RASAL2: variants seen among roughly 807,000 people sequenced by gnomAD.
RASAL2 encodes the protein RAS protein activator like 2, also known as ras GTPase-activating protein nGAP.
In RASAL2, 58 loss-of-function variants were observed where a neutral mutation model predicts 128.9. That is an observed-to-expected ratio of 0.45 (90% CI 0.36 to 0.56). RASAL2 has a LOEUF of 0.56. RASAL2 is among the 20% of genes least tolerant of loss of function. RASAL2 has a pLI of 0.00. For missense variants in RASAL2, 1,360 were observed against 1,601.6 expected, an observed-to-expected ratio of 0.85 and a Z score of 2.57; for synonymous variants, 561 against 580.8, an observed-to-expected ratio of 0.97 and a Z score of 0.49.
chr1:178,169,803 G>T lies in RASAL2; in HGVS notation c.202+75109G>T, dbSNP rs561140720. 4.6e-5 allele frequency among the ~76,000 whole-genome samples: 7 copies of T among 152,090 alleles called. No homozygotes were observed. In the South Asian group the frequency reaches 1.5e-3, roughly 32 times the overall value. The stretch of plus-strand genomic sequence containing the variant: ...GTGACAGTACAGTTTTAAAATGAGG[G>T]TGGAGTTAGGTGTATGGGCCTTACC... On this transcript the variant is annotated intron_variant, in intron 1 of 17. Transcript: ENST00000367649.
intron 1 of RASAL2, among the ~76,000 whole-genome samples, chr1:178,115,873 A>G (rs1659505217): frequency 6.6e-6 from 1 of 151,770 alleles, no homozygotes; most frequent in African/African-American, 2.4e-5. Flanking sequence ...AATATTAATA[A>G]GACTTGGTGA....
intron 1 of RASAL2, among the ~76,000 whole-genome samples, chr1:178,170,029 C>A (rs951240281): frequency 6.6e-6 from 1 of 151,930 alleles, no homozygotes; most frequent in Non-Finnish European, 1.5e-5. Context: ...TCTCTATCCT[C>A]CCCATTCTCA....
chr1:178,465,454 G>A (rs1003130370), intron 15 of RASAL2, among the ~76,000 whole-genome samples: 3 of 152,196 alleles, frequency 2.0e-5, no homozygotes, highest in Non-Finnish European at 4.4e-5. Flanking sequence ...AGATCCTACA[G>A]TGCAGATGAT....
rs1676752535 is a variant in RASAL2, at chr1:178,442,768, C to T, written c.1021C>T (p.Leu341Phe). The change falls in exon 8 of 18, where the codon CTT becomes TTT. Residue 341 changes from leucine to phenylalanine, a missense_variant. By Grantham distance (22) the Leu-to-Phe change is conservative (BLOSUM62 0). Around this residue, in one of 3 missense-constraint regions of RASAL2, gnomAD observed 617 missense variants for 714.2 expected, o/e 0.86. Transcript: ENST00000367649. ...AAAGAAATATTTCTGCGAACTGTGC[C>T]TTGATGATACCCTCTTTGCTCGTAC... ...PKKKYFCELC[L>F]DDTLFARTTS... is the part of the protein sequence containing the mutation. 1 of 1,613,868 alleles carries T rather than the reference C, an allele frequency of 6.2e-7. No homozygotes were observed. Among genetic ancestry groups the T allele is most frequent in the Non-Finnish European group, 8.5e-7 (1 of 1,179,932 alleles).
rs749340472 is a variant in RASAL2 at position 178,457,977 on chromosome 1, C to T, written c.2685C>T (p.Ser895=). The T allele has an allele frequency of 1.2e-6, 2 of 1,614,100 alleles. No individual in the cohort carries two copies. Among genetic ancestry groups the T allele is most frequent in the South Asian group, 1.1e-5 (1 of 91,080 alleles). ...TCAAACAGCTGCGGGAAACCCAGAG[C>T]ACTCCCCAAAGTGCACCCCAAGTGA... ...ASIKQLRETQ[S]TPQSAPQVRR... Residue 895 remains serine, a synonymous_variant, in exon 14 of 18, where the codon AGC becomes AGT. Transcript: ENST00000367649.
At chr1:178,285,736 C>T (rs1327540364) in intron 2 of RASAL2, among the ~76,000 whole-genome samples, 1 of 152,272 alleles carries the variant, frequency 6.6e-6, no homozygotes, top group Non-Finnish European at 1.5e-5. Context: ...GTACTGTCAG[C>T]AGTCTTTTCT....
Position 178,442,590 on chromosome 1 carries a change from C to A in RASAL2, c.928-85C>A, listed in dbSNP as rs1572082139. 5.2e-6 allele frequency: 6 copies of A among 1,158,042 alleles called. No homozygotes were observed. The South Asian group carries it at 9.5e-5, about 18-fold the overall frequency. The allele number at this position is 1,158,042 out of a possible 1,614,324, so 71.7% of individuals were successfully genotyped here. The stretch of plus-strand genomic sequence containing the variant: ...TTGTTGACTCCCCTTAATAGAGTAC[C>A]TAATGAACATTGCCAACTTAAGAAA... On this transcript the variant is annotated intron_variant, in intron 7 of 17. Coordinates refer to ENST00000367649, the MANE Select transcript of RASAL2 (RefSeq NM_170692.4).
intron 1 of RASAL2, among the ~76,000 whole-genome samples, chr1:178,203,701 A>G (rs1026290322): frequency 1.3e-5 from 2 of 152,194 alleles, no homozygotes; most frequent in East Asian, 1.9e-4. Context: ...GGCTCCTCCT[A>G]CCTTTAAGTT....
intron 1 of RASAL2, among the ~76,000 whole-genome samples, chr1:178,201,996 C>G (rs1662889833): frequency 1.3e-5 from 2 of 152,118 alleles, no homozygotes; most frequent in Admixed American, 1.3e-4. Flanking sequence ...CCAAAGGGAC[C>G]TCTGGCCTTT....
At chr1:178,411,988 G>A (rs1674422741) in intron 4 of RASAL2, 1 of 557,072 alleles carries the variant, frequency 1.8e-6, no homozygotes, top group South Asian at 2.1e-5. Context: ...CCCACAGGAA[G>A]TGGGGTCGCT....
intron 1 of RASAL2, among the ~76,000 whole-genome samples, chr1:178,101,397 G>T (rs1430414166): frequency 6.6e-6 from 1 of 152,066 alleles, no homozygotes; most frequent in East Asian, 1.9e-4. Context: ...TTTAGATCCT[G>T]ATTGTATTTT....
In RASAL2 at chr1:178,475,097, A is replaced by T. The variant is rs1272907156; in HGVS notation, c.*1858A>T. The stretch of plus-strand genomic sequence containing the variant: ...TTGAGCTCTGCCCTCTCTCAGGTGG[A>T]TCTTTGTGTTGGACCTTACGTTTCA... On this transcript the variant is annotated 3_prime_UTR_variant, in exon 18 of 18. Coordinates refer to ENST00000367649, the MANE Select transcript of RASAL2 (RefSeq NM_170692.4). The T allele has an allele frequency of 6.6e-6, 1 of 152,092 alleles. No individual in the cohort carries two copies. The highest frequency in any genetic ancestry group is 1.5e-5 in the Non-Finnish European group (1 of 68,042). The allele number at this position is 152,092 out of a possible 1,614,324, so 9.4% of individuals were successfully genotyped here.
chr1:178,401,516 A>C (rs1190715111), intron 4 of RASAL2, among the ~76,000 whole-genome samples: 1 of 152,140 alleles, frequency 6.6e-6, no homozygotes, highest in Non-Finnish European at 1.5e-5. Flanking sequence ...GGTACATGCC[A>C]GTAGTTCCAA....
chr1:178,354,813 T>C (rs1019947353), intron 3 of RASAL2, among the ~76,000 whole-genome samples: 2 of 152,198 alleles, frequency 1.3e-5, no homozygotes, highest in African/African-American at 4.8e-5. Flanking sequence ...TTAAGAATAA[T>C]CTAAAGTAGA....
chr1:178,129,137 T>C (rs1660005428), intron 1 of RASAL2, among the ~76,000 whole-genome samples: 1 of 152,144 alleles, frequency 6.6e-6, no homozygotes. Context: ...AGTCACTCTA[T>C]GTTTAACCTT....
intron 3 of RASAL2, among the ~76,000 whole-genome samples, chr1:178,385,562 C>A (rs887109664): frequency 2.0e-5 from 3 of 151,800 alleles, no homozygotes; most frequent in Non-Finnish European, 4.4e-5. Context: ...AAAAAAAGTC[C>A]TTACAAGAGA....
chr1:178,246,565 C>A (rs536329084), intron 1 of RASAL2, among the ~76,000 whole-genome samples: 16 of 152,280 alleles, frequency 1.1e-4, no homozygotes, highest in African/African-American at 3.8e-4. Flanking sequence ...TTATTTCTTT[C>A]TCTTGCCTGA....
In RASAL2 at chr1:178,421,757, A is replaced by G. The variant is rs187258376; in HGVS notation, c.674+1137A>G. Among the ~76,000 whole-genome samples the G allele has an allele frequency of 1.2e-3, 179 of 152,162 alleles. 2 individuals carry two copies. In the East Asian group the frequency reaches 0.034, roughly 29 times the overall value. ...GATTACTGTCTTTATTTTGTAAATG[A>G]AGGGACTTGATGAGGGACTACTGCT... On this transcript the variant is annotated intron_variant, in intron 5 of 17. Transcript: ENST00000367649.
intron 3 of RASAL2, among the ~76,000 whole-genome samples, chr1:178,322,209 C>G (rs1557900983): frequency 6.6e-6 from 1 of 152,110 alleles, no homozygotes; most frequent in Non-Finnish European, 1.5e-5. Context: ...TTTAAAGCTT[C>G]TCTTTCTTGA....
Sources: gnomAD v4.1 joint callset for allele counts (sites outside exome capture counted in the v4.1 genomes callset) on GRCh38, gnomAD v4.1.1 for gene constraint, gnomAD v4.1.1 regional missense constraint, MANE v1.5 for transcripts, NCBI Gene and HGNC (gene_info 2026-07-23, HGNC 2026-07-21) for gene names.